Variants in SYT1 observed in about 807,000 individuals in gnomAD.
SYT1 encodes the protein synaptotagmin-1.
In SYT1, 8 loss-of-function variants were observed where a neutral mutation model predicts 44.8. That is an observed-to-expected ratio of 0.18 (90% CI 0.10 to 0.32). The LOEUF (loss-of-function observed/expected upper bound fraction) is 0.32, where lower values mean the gene tolerates loss of function less well. SYT1 is among the 10% of genes least tolerant of loss of function. SYT1 has a pLI of 1.00. For synonymous variants in SYT1, 154 were observed against 188.8 expected, an observed-to-expected ratio of 0.82 and a Z score of 1.51; for missense variants, 286 against 509.3, an observed-to-expected ratio of 0.56 and a Z score of 4.22.
intron 3 of SYT1, among the ~76,000 whole-genome samples, chr12:79,141,189 G>A (rs1004809970): frequency 4.6e-5 from 7 of 151,876 alleles, no homozygotes; most frequent in Non-Finnish European, 7.4e-5. Flanking sequence ...ATTCATACTC[G>A]TCTCCTTCAC....
chr12:79,354,016 A>G (rs113020097), intron 9 of SYT1, among the ~76,000 whole-genome samples: 9 of 152,340 alleles, frequency 5.9e-5, no homozygotes, highest in African/African-American at 2.2e-4. Flanking sequence ...TTTATTAGGT[A>G]TTTGATAGCC....
intron 9 of SYT1, among the ~76,000 whole-genome samples, chr12:79,357,236 G>A (rs1565923945): frequency 6.6e-6 from 1 of 152,118 alleles, no homozygotes; most frequent in Non-Finnish European, 1.5e-5. Context: ...ATACTTTACA[G>A]TGACAAGCCT....
chr12:79,214,345 A>G (rs1237173173), intron 3 of SYT1, among the ~76,000 whole-genome samples: 1 of 152,176 alleles, frequency 6.6e-6, no homozygotes, highest in African/African-American at 2.4e-5. Context: ...TTTCTGATGA[A>G]CACCTTCCAA....
intron 2 of SYT1, among the ~76,000 whole-genome samples, chr12:79,001,256 C>CT (rs1301715813): frequency 7.7e-5 from 11 of 143,500 alleles, no homozygotes; most frequent in Admixed American, 1.4e-4. Flanking sequence ...AAGTTCATTT[C>CT]TTTTAAAAAA....
chr12:79,332,103 C>T (rs1881882312), intron 8 of SYT1, among the ~76,000 whole-genome samples: 1 of 152,144 alleles, frequency 6.6e-6, no homozygotes, highest in Non-Finnish European at 1.5e-5. Context: ...ATGAACTTTA[C>T]ATAACCAAAA....
chr12:79,289,578 T>G (rs1458021338), intron 5 of SYT1, among the ~76,000 whole-genome samples: 1 of 152,158 alleles, frequency 6.6e-6, no homozygotes, highest in Non-Finnish European at 1.5e-5. Context: ...ATTTAATATA[T>G]CAGCTATTTC....
In SYT1 at chr12:79,117,709, ATAT is replaced by A. The variant is rs1565813890; in HGVS notation, c.-18+70348_-18+70350del. 2.6e-3 allele frequency among the ~76,000 whole-genome samples: 286 copies of A among 109,234 alleles called. 1 individual carries two copies. Among genetic ancestry groups the A allele is most frequent in the Middle Eastern group, 9.2e-3 (2 of 218 alleles). The allele number at this position is 109,234 out of a possible 152,430, so 71.7% of individuals were successfully genotyped here. A position where few individuals can be genotyped will look rare whatever the true frequency, so the allele number is the denominator to read the frequency against. The stretch of plus-strand genomic sequence containing the variant: ...TATATATATATATATATATATATAT[ATAT>A]ATAAAATAAATAGGTTGCATACAGA... On this transcript the variant is annotated intron_variant, in intron 3 of 10. Coordinates refer to ENST00000261205, the MANE Select transcript of SYT1 (RefSeq NM_005639.3).
chr12:79,032,698 A>C (rs1225168024), intron 2 of SYT1, among the ~76,000 whole-genome samples: 1 of 151,430 alleles, frequency 6.6e-6, no homozygotes, highest in East Asian at 1.9e-4. Context: ...GATTCCAGTA[A>C]AGTCTGTTAA....
chr12:79,294,607 A>G (rs188729532), intron 6 of SYT1, among the ~76,000 whole-genome samples: 2 of 152,150 alleles, frequency 1.3e-5, no homozygotes, highest in Non-Finnish European at 2.9e-5. Context: ...ATTATAAATC[A>G]TCTAGTTTCT....
intron 3 of SYT1, among the ~76,000 whole-genome samples, chr12:79,050,834 A>G (rs964175926): frequency 6.6e-6 from 1 of 152,074 alleles, no homozygotes; most frequent in Non-Finnish European, 1.5e-5. Context: ...TACTTAGTCA[A>G]TATTTCCCTA....
chr12:78,957,531 T>G (rs1879275432), intron 1 of SYT1, among the ~76,000 whole-genome samples: 1 of 152,164 alleles, frequency 6.6e-6, no homozygotes, highest in Non-Finnish European at 1.5e-5. Context: ...TTTTGAAGCT[T>G]TAAAATGAAC....
intron 3 of SYT1, among the ~76,000 whole-genome samples, chr12:79,051,469 T>A (rs1209197679): frequency 6.6e-6 from 1 of 151,110 alleles, no homozygotes; most frequent in Non-Finnish European, 1.5e-5. Context: ...CTCCACCTAA[T>A]ATTTATTAAT....
At chr12:78,971,456 G>C (rs1302587599) in intron 1 of SYT1, among the ~76,000 whole-genome samples, 1 of 152,040 alleles carries the variant, frequency 6.6e-6, no homozygotes, top group Non-Finnish European at 1.5e-5. Flanking sequence ...ATAAAAAAAA[G>C]AGTAGATGCA....
intron 3 of SYT1, among the ~76,000 whole-genome samples, chr12:79,122,034 C>T (rs1868273571): frequency 2.0e-5 from 3 of 152,184 alleles, no homozygotes; most frequent in South Asian, 4.1e-4. Context: ...TTGCTTTCAG[C>T]ACTTTTTGAA....
At chr12:78,899,790 A>G (rs917853335) in intron 1 of SYT1, among the ~76,000 whole-genome samples, 7 of 152,006 alleles carry the variant, frequency 4.6e-5, no homozygotes, top group African/African-American at 1.2e-4. Context: ...TATGCTTTAT[A>G]CTTTTTATCA....
In SYT1 at chr12:78,969,575, G is replaced by A. The variant is rs149350043; in HGVS notation, c.-216-8224G>A. On this transcript the variant is annotated intron_variant, in intron 1 of 10. Coordinates refer to ENST00000261205, the MANE Select transcript of SYT1 (RefSeq NM_005639.3). The stretch of plus-strand genomic sequence containing the variant: ...GGGCCATGGCAGGGGATCAGGATAG[G>A]AATAAGTCAACTTGGGATTGGAAGG... Among the ~76,000 whole-genome samples the A allele has an allele frequency of 4.2e-3, 647 of 152,286 alleles. 5 individuals are homozygous for A. The highest frequency in any genetic ancestry group is 0.014 in the African/African-American group (600 of 41,552).
At chr12:79,271,963 C>T (rs532576067) in intron 4 of SYT1, among the ~76,000 whole-genome samples, 68 of 152,248 alleles carry the variant, frequency 4.5e-4, no homozygotes, top group African/African-American at 1.6e-3. Context: ...ACATAAACCA[C>T]TCAATGTATT....
intron 4 of SYT1, among the ~76,000 whole-genome samples, chr12:79,221,558 T>C (rs1875161984): frequency 6.6e-6 from 1 of 152,170 alleles, no homozygotes; most frequent in African/African-American, 2.4e-5. Context: ...CTTTTCATTT[T>C]TTGTATATCA....
At chr12:78,969,463 T>C (rs1384053007) in intron 1 of SYT1, among the ~76,000 whole-genome samples, 2 of 152,098 alleles carry the variant, frequency 1.3e-5, no homozygotes, top group South Asian at 2.1e-4. Context: ...TAAAAACATA[T>C]CTTGGTTGGG....
Sources: allele counts gnomAD v4.1 joint callset (sites outside exome capture counted in the v4.1 genomes callset), GRCh38; gene constraint gnomAD v4.1.1; transcripts MANE v1.5; gene names NCBI Gene and HGNC (gene_info 2026-07-23, HGNC 2026-07-21).